The following TMEM232 variants were observed in gnomAD, a reference collection of about 807,000 sequenced individuals.
TMEM232 encodes the protein transmembrane protein 232.
TMEM232 carries 80 observed loss-of-function variants against 78.8 expected under a neutral mutation model. The ratio of observed to expected loss-of-function variants is 1.01; its 90% CI spans 0.85 to 1.22. The LOEUF (loss-of-function observed/expected upper bound fraction) is 1.22. TMEM232 is among the 50% of genes most tolerant of loss of function. The pLI is 0.00. For missense variants in TMEM232, 881 were observed against 742.2 expected, an observed-to-expected ratio of 1.19 and a Z score of -2.17; for synonymous variants, 297 against 254.3, an observed-to-expected ratio of 1.17 and a Z score of -1.60.
At position 110,667,428 on chromosome 5, in the gene TMEM232, T is replaced by C. The variant is rs765324704; in HGVS notation, c.-12-64A>G. 6 of 1,264,662 alleles carry C rather than the reference T, an allele frequency of 4.7e-6. No homozygotes were observed. The South Asian group carries it at 5.6e-5, about 12-fold the overall frequency. 78.3% of individuals were successfully genotyped at this position (1,264,662 alleles called of 1,614,324 possible). A position where few individuals can be genotyped will look rare whatever the true frequency, so the allele number is the denominator to read the frequency against. On this transcript the variant is annotated intron_variant, in intron 1 of 13. Coordinates refer to ENST00000455884, the MANE Select transcript of TMEM232 (RefSeq NM_001039763.4). ...ACTCATAGTATCAAACAACATGTTA[T>C]GCAAATTCATTATTTTTGGAAAAGA...
chr5:110,509,019 TACA>T, intron 12 of TMEM232, among the ~76,000 whole-genome samples: 1 of 145,632 alleles, frequency 6.9e-6, no homozygotes, highest in African/African-American at 2.5e-5. Context: ...TGTATATATA[TACA>T]ATTATATATA....
At chr5:110,527,493 G>A (rs977453818) in intron 12 of TMEM232, among the ~76,000 whole-genome samples, 4 of 151,912 alleles carry the variant, frequency 2.6e-5, no homozygotes, top group African/African-American at 9.7e-5. Flanking sequence ...TAAATTTACA[G>A]ATGCATTTTC....
chr5:110,598,356 A>C (rs1395530001), intron 10 of TMEM232, among the ~76,000 whole-genome samples: 1 of 152,164 alleles, frequency 6.6e-6, no homozygotes, highest in South Asian at 2.1e-4. Flanking sequence ...AAAAGTCAGG[A>C]AACAACAGGT....
At chr5:110,530,592 G>A (rs1484323670) in intron 11 of TMEM232, among the ~76,000 whole-genome samples, 1 of 152,140 alleles carries the variant, frequency 6.6e-6, no homozygotes, top group Non-Finnish European at 1.5e-5. Context: ...GGATGAACCT[G>A]GGGGACATCA....
chr5:110,492,096 T>G (rs1446057083), intron 12 of TMEM232, among the ~76,000 whole-genome samples: 1 of 151,826 alleles, frequency 6.6e-6, no homozygotes, highest in Admixed American at 6.6e-5. Flanking sequence ...GAATAATACC[T>G]AATGCTAAAT....
chr5:110,684,471 A>C (rs900507357), intron 1 of TMEM232, among the ~76,000 whole-genome samples: 1 of 152,104 alleles, frequency 6.6e-6, no homozygotes, highest in African/African-American at 2.4e-5. Flanking sequence ...GAAACGTGAA[A>C]TCCAAGATAT....
At chr5:110,568,395 C>A in intron 11 of TMEM232, 52 bp downstream of exon 11, 1 of 1,434,482 alleles carries the variant, frequency 7.0e-7, no homozygotes, top group South Asian at 1.4e-5. Flanking sequence ...AAATGACAAC[C>A]GTGCTTCCTA....
intron 12 of TMEM232, among the ~76,000 whole-genome samples, chr5:110,425,815 G>A (rs1757171070): frequency 6.6e-6 from 1 of 151,946 alleles, no homozygotes; most frequent in Non-Finnish European, 1.5e-5. Flanking sequence ...CTTTACTCTT[G>A]TCTCTATACA....
chr5:110,670,217 G>A (rs1488248169), intron 1 of TMEM232, among the ~76,000 whole-genome samples: 1 of 152,168 alleles, frequency 6.6e-6, no homozygotes, highest in Non-Finnish European at 1.5e-5. Context: ...TGACATGATT[G>A]TATATTTAGA....
intron 11 of TMEM232, among the ~76,000 whole-genome samples, chr5:110,529,446 C>T (rs1771100972): frequency 6.6e-6 from 1 of 152,102 alleles, no homozygotes; most frequent in Non-Finnish European, 1.5e-5. Context: ...GGGGTTTCAT[C>T]ATGTTGGACA....
intron 12 of TMEM232, among the ~76,000 whole-genome samples, chr5:110,527,789 A>G (rs1770808136): frequency 6.6e-6 from 1 of 151,982 alleles, no homozygotes; most frequent in African/African-American, 2.4e-5. Context: ...AAATACAAGG[A>G]AAGCTGACTT....
In TMEM232 at chr5:110,698,379, T is replaced by C. The variant is rs922966429; in HGVS notation, c.-13+28248A>G. ...GCAACACACCAACATGGCACATGTA[T>C]ATATATGTAACGAACCTGCACATTG... is the stretch of plus-strand genomic sequence containing the variant. On this transcript the variant is annotated intron_variant, in intron 1 of 13. Transcript: ENST00000455884. 7.9e-5 allele frequency among the ~76,000 whole-genome samples: 12 copies of C among 152,126 alleles called. No individual in the cohort carries two copies. The East Asian group carries it at 1.6e-3, about 20-fold the overall frequency.
chr5:110,726,108 T>TTACACACA (rs1554087762), intron 1 of TMEM232, among the ~76,000 whole-genome samples: 11 of 144,550 alleles, frequency 7.6e-5, no homozygotes, highest in Non-Finnish European at 1.1e-4. Context: ...CCTCTCTCTT[T>TTACACACA]CACACACACA....
chr5:110,656,500 C>A (rs1164122158), intron 2 of TMEM232, among the ~76,000 whole-genome samples: 1 of 152,036 alleles, frequency 6.6e-6, no homozygotes, highest in East Asian at 1.9e-4. Flanking sequence ...AAGATAAAGA[C>A]AATGATAGAA....
At chr5:110,693,995 A>C (rs1794453533) in intron 1 of TMEM232, among the ~76,000 whole-genome samples, 1 of 152,180 alleles carries the variant, frequency 6.6e-6, no homozygotes, top group Non-Finnish European at 1.5e-5. Context: ...TCCAAGACAC[A>C]TTATTGTCAG....
chr5:110,701,256 T>C (rs1795412616), intron 1 of TMEM232, among the ~76,000 whole-genome samples: 1 of 151,996 alleles, frequency 6.6e-6, no homozygotes, highest in Non-Finnish European at 1.5e-5. Flanking sequence ...TTCCTAACTA[T>C]GGTTCCAATC....
At chr5:110,638,822 C>T (rs948567400) in intron 4 of TMEM232, among the ~76,000 whole-genome samples, 5 of 152,076 alleles carry the variant, frequency 3.3e-5, no homozygotes. Flanking sequence ...AAATAAATCA[C>T]CAGGCCACAC....
chr5:110,481,568 A>G (rs749776951), intron 12 of TMEM232, among the ~76,000 whole-genome samples: 1 of 152,184 alleles, frequency 6.6e-6, no homozygotes, highest in Non-Finnish European at 1.5e-5. Flanking sequence ...CAAAGCTGGA[A>G]AAAAGAGGTA....
intron 1 of TMEM232, among the ~76,000 whole-genome samples, chr5:110,684,590 A>T (rs1479270497): frequency 6.6e-6 from 1 of 152,186 alleles, no homozygotes; most frequent in Non-Finnish European, 1.5e-5. Context: ...CTGTGAGAAT[A>T]AATTAGTAAA....
Sources: allele counts gnomAD v4.1 joint callset (sites outside exome capture counted in the v4.1 genomes callset), GRCh38; gene constraint gnomAD v4.1.1; transcripts MANE v1.5; gene names NCBI Gene and HGNC (gene_info 2026-07-23, HGNC 2026-07-21).